CTNNA2: variants seen among roughly 807,000 people sequenced by gnomAD.
CTNNA2 encodes the protein catenin alpha 2.
CTNNA2 carries 42 observed loss-of-function variants against 101.0 expected under a neutral mutation model. The observed-to-expected ratio is 0.42, with a 90% CI of 0.32 to 0.54. The LOEUF is 0.54. CTNNA2 is among the 20% of genes least tolerant of loss of function. The pLI is 0.14. For synonymous variants in CTNNA2, 450 were observed against 456.4 expected (o/e 0.99, Z 0.18); for missense variants, 871 against 1,223.1 (o/e 0.71, Z 4.29).
At chr2:79,193,793 A>G (rs1179426637) in intron 1 of CTNNA2, among the ~76,000 whole-genome samples, 1 of 152,210 alleles carries the variant, frequency 6.6e-6, no homozygotes, top group Non-Finnish European at 1.5e-5. Context: ...CCATTAAAAG[A>G]CAATTTATTT....
intron 2 of CTNNA2, among the ~76,000 whole-genome samples, chr2:79,267,333 T>A (rs1235987887): frequency 6.6e-6 from 1 of 152,134 alleles, no homozygotes; most frequent in Non-Finnish European, 1.5e-5. Context: ...GCAGAGTCAC[T>A]GTCTGATGAG....
intron 1 of CTNNA2, among the ~76,000 whole-genome samples, chr2:79,646,472 G>A (rs373905731): frequency 4.0e-5 from 6 of 151,276 alleles, no homozygotes; most frequent in African/African-American, 1.5e-4. Flanking sequence ...ATTACCAGGT[G>A]GGCTGTATTA....
At chr2:80,561,430 A>G (rs1332251280) in intron 12 of CTNNA2, among the ~76,000 whole-genome samples, 1 of 152,208 alleles carries the variant, frequency 6.6e-6, no homozygotes, top group Non-Finnish European at 1.5e-5. Flanking sequence ...AGATCTGTAT[A>G]ATTTTTCCTA....
At chr2:80,210,680 G>C (rs184413411) in intron 7 of CTNNA2, among the ~76,000 whole-genome samples, 39 of 152,272 alleles carry the variant, frequency 2.6e-4, no homozygotes, top group South Asian at 6.2e-4. Flanking sequence ...ACACATGTGT[G>C]CCTGTGTCTT....
At chr2:80,182,616 A>G (rs1025582295) in intron 7 of CTNNA2, among the ~76,000 whole-genome samples, 4 of 152,222 alleles carry the variant, frequency 2.6e-5, no homozygotes, top group African/African-American at 9.6e-5. Context: ...AATAGGCTCA[A>G]TGAAGAAAAT....
At chr2:80,539,470 A>T (rs1471976887) in intron 9 of CTNNA2, among the ~76,000 whole-genome samples, 2 of 152,032 alleles carry the variant, frequency 1.3e-5, no homozygotes, top group Non-Finnish European at 2.9e-5. Flanking sequence ...TAAACAGGCA[A>T]TCGTAAAATA....
At chr2:79,273,008 G>A (rs1675123847) in intron 2 of CTNNA2, among the ~76,000 whole-genome samples, 1 of 151,988 alleles carries the variant, frequency 6.6e-6, no homozygotes. Context: ...GGTGGCTCCA[G>A]GATTGATTTA....
At chr2:79,789,565 G>A (rs181164258) in intron 3 of CTNNA2, among the ~76,000 whole-genome samples, 3 of 152,292 alleles carry the variant, frequency 2.0e-5, no homozygotes, top group East Asian at 1.9e-4. Flanking sequence ...GGGGACTGGG[G>A]AGAGGTGAGG....
chr2:79,457,761 G>A (rs762127211), intron 4 of CTNNA2, among the ~76,000 whole-genome samples: 11 of 152,168 alleles, frequency 7.2e-5, no homozygotes, highest in Non-Finnish European at 1.2e-4. Context: ...TTGGGTTAAC[G>A]AAGGGAGAAT....
chr2:80,641,203 T>G (rs896046704), intron 18 of CTNNA2, among the ~76,000 whole-genome samples: 3 of 152,174 alleles, frequency 2.0e-5, no homozygotes, highest in Non-Finnish European at 4.4e-5. Context: ...CCTCAGTTCT[T>G]TTATTTCAAA....
chr2:79,793,038 G>C (rs1031435709), intron 3 of CTNNA2, among the ~76,000 whole-genome samples: 1 of 152,122 alleles, frequency 6.6e-6, no homozygotes, highest in Non-Finnish European at 1.5e-5. Context: ...TATATAGAGA[G>C]AATTTTGGAT....
rs373962308 is a variant in CTNNA2, at chr2:79,811,026, C to G, written c.299-46987C>G. On this transcript the variant is annotated intron_variant, in intron 3 of 18. Coordinates refer to ENST00000402739, the MANE Select transcript of CTNNA2 (RefSeq NM_001282597.3). ...TCTTTATAGCAGCATGATTTATAAT[C>G]CTTTGGGTATATACCCAGTAATGGG... is the stretch of plus-strand genomic sequence containing the variant. Among the ~76,000 whole-genome samples the G allele has an allele frequency of 3.6e-3, 549 of 151,038 alleles. 6 individuals carry two copies. The highest frequency in any genetic ancestry group is 4.1e-3 in the Non-Finnish European group (281 of 67,924).
intron 2 of CTNNA2, among the ~76,000 whole-genome samples, chr2:79,729,725 T>C (rs1289360128): frequency 3.3e-5 from 5 of 152,048 alleles, no homozygotes; most frequent in Admixed American, 6.6e-5. Context: ...TAAGAAGTGA[T>C]GCTTAAGGAA....
chr2:80,379,746 T>C (rs1011588681), intron 7 of CTNNA2, among the ~76,000 whole-genome samples: 1 of 152,192 alleles, frequency 6.6e-6, no homozygotes, highest in African/African-American at 2.4e-5. Context: ...TTATCTATAA[T>C]TTAAAAATGT....
At chr2:80,451,165 C>T (rs1172442550) in intron 9 of CTNNA2, among the ~76,000 whole-genome samples, 1 of 152,028 alleles carries the variant, frequency 6.6e-6, no homozygotes, top group Non-Finnish European at 1.5e-5. Context: ...TACGGTTTGG[C>T]TGTGTCCCCA....
intron 7 of CTNNA2, among the ~76,000 whole-genome samples, chr2:80,173,398 T>C (rs928611311): frequency 4.6e-5 from 7 of 152,202 alleles, no homozygotes; most frequent in African/African-American, 1.7e-4. Flanking sequence ...AGCATGACTG[T>C]ATCAGTCAGA....
At chr2:79,897,034 A>T (rs1684762264) in intron 6 of CTNNA2, among the ~76,000 whole-genome samples, 1 of 152,202 alleles carries the variant, frequency 6.6e-6, no homozygotes, top group South Asian at 2.1e-4. Flanking sequence ...AACTGAGTAG[A>T]GGTGAGATTA....
At chr2:80,327,339 G>A (rs1247672374) in intron 7 of CTNNA2, among the ~76,000 whole-genome samples, 2 of 152,202 alleles carry the variant, frequency 1.3e-5, no homozygotes, top group Non-Finnish European at 2.9e-5. Flanking sequence ...GACGGACACA[G>A]GATGGGAATG....
chr2:79,991,374 G>C (rs1692166928), intron 7 of CTNNA2, among the ~76,000 whole-genome samples: 1 of 151,684 alleles, frequency 6.6e-6, no homozygotes, highest in African/African-American at 2.4e-5. Context: ...TTTTCCATGA[G>C]CTTTTCATTT....
Sources: gnomAD v4.1 joint callset for allele counts (sites outside exome capture counted in the v4.1 genomes callset) on GRCh38, gnomAD v4.1.1 for gene constraint, MANE v1.5 for transcripts, NCBI Gene and HGNC (gene_info 2026-07-23, HGNC 2026-07-21) for gene names.